RHBDD1: variants seen among roughly 807,000 people sequenced by gnomAD.
RHBDD1 encodes the protein rhomboid domain containing 1.
Under a neutral mutation model 36.3 loss-of-function variants are expected in RHBDD1, and 38 were observed. That is an observed-to-expected ratio of 1.05 (90% CI 0.81 to 1.37). The LOEUF (loss-of-function observed/expected upper bound fraction) is 1.37. RHBDD1 is among the 40% of genes most tolerant of loss of function. RHBDD1 has a pLI of 0.00. For missense variants in RHBDD1, 393 were observed against 377.6 expected, an observed-to-expected ratio of 1.04 and a Z score of -0.34; for synonymous variants, 151 against 136.5, an observed-to-expected ratio of 1.11 and a Z score of -0.74.
At chr2:226,865,232 G>T in intron 4 of RHBDD1, 106 bp downstream of exon 4, 1 of 863,956 alleles carries the variant, frequency 1.2e-6, no homozygotes, top group Non-Finnish European at 1.8e-6. Context: ...GAGTGGTTAA[G>T]GGCTGCTGAG....
At chr2:226,860,579 G>T (rs528145122) in intron 3 of RHBDD1, among the ~76,000 whole-genome samples, 64 of 152,272 alleles carry the variant, frequency 4.2e-4, no homozygotes, top group Non-Finnish European at 7.9e-4. Flanking sequence ...ATCTTTACAT[G>T]GATCAGTTGG....
intron 1 of RHBDD1, among the ~76,000 whole-genome samples, chr2:226,836,497 T>C (rs541696776): frequency 2.0e-5 from 3 of 152,348 alleles, no homozygotes; most frequent in African/African-American, 7.2e-5. Context: ...GCTTTCAGTT[T>C]CTCAGAACAA....
intron 4 of RHBDD1, among the ~76,000 whole-genome samples, chr2:226,865,356 G>T (rs1334812569): frequency 6.6e-6 from 1 of 152,184 alleles, no homozygotes; most frequent in Non-Finnish European, 1.5e-5. Context: ...AGGTGGTTTT[G>T]TAGAAGACAT....
At chr2:226,930,670 G>T (rs950133256) in intron 8 of RHBDD1, among the ~76,000 whole-genome samples, 1 of 151,816 alleles carries the variant, frequency 6.6e-6, no homozygotes, top group Non-Finnish European at 1.5e-5. Flanking sequence ...TTTCTGCATG[G>T]CAAAAGAAAT....
chr2:226,969,414 T>TTTTTA (rs3055673), intron 8 of RHBDD1, among the ~76,000 whole-genome samples: 9 of 150,762 alleles, frequency 6.0e-5, no homozygotes, highest in Middle Eastern at 6.9e-3. Flanking sequence ...TTTTTTTTTT[T>TTTTTA]AAGGAAGTAG....
intron 3 of RHBDD1, among the ~76,000 whole-genome samples, chr2:226,862,397 G>T (rs938480209): frequency 6.8e-6 from 1 of 147,618 alleles, no homozygotes. Context: ...GCATTGTCCA[G>T]TGTGCAGTCC....
intron 5 of RHBDD1, among the ~76,000 whole-genome samples, chr2:226,904,284 A>G (rs12615988): frequency 0.46 from 70,175 of 151,842 alleles, 16,688 homozygotes; most frequent in African/African-American, 0.58. Context: ...CGTTGCCGTG[A>G]GGCTGAAGCC....
the RHBDD1 span, among the ~76,000 whole-genome samples, chr2:226,823,465 C>G: frequency 6.6e-6 from 1 of 152,188 alleles, no homozygotes; most frequent in Non-Finnish European, 1.5e-5. Context: ...AGTCCCATGG[C>G]ACTTGAATAC....
the RHBDD1 span, among the ~76,000 whole-genome samples, chr2:226,820,055 T>C: frequency 6.6e-6 from 1 of 151,514 alleles, no homozygotes; most frequent in East Asian, 1.9e-4. Context: ...GTGGGTGCAT[T>C]CACAGTAATT....
chr2:226,927,905 TC>T (rs1157171735), intron 8 of RHBDD1, among the ~76,000 whole-genome samples: 1 of 152,066 alleles, frequency 6.6e-6, no homozygotes, highest in African/African-American at 2.4e-5. Flanking sequence ...TGTGGCTTTT[TC>T]CCCCATTCTC....
At position 226,957,588 on chromosome 2, in the gene RHBDD1, GA is replaced by G. The variant is rs1419772060; in HGVS notation, c.857-37834del. 8.0e-5 allele frequency among the ~76,000 whole-genome samples: 12 copies of G among 149,868 alleles called. No individual in the cohort carries two copies. The East Asian group carries it at 1.9e-3, about 24-fold the overall frequency. On this transcript the variant is annotated intron_variant, in intron 8 of 8. Coordinates refer to ENST00000392062, the MANE Select transcript of RHBDD1 (RefSeq NM_001167608.3). The stretch of plus-strand genomic sequence containing the variant: ...CCCCACCCAAAAAAAAAAGAAGAAG[GA>G]AAAAAAAAGTAGTGAAAAGATCATC...
chr2:226,971,765 T>A (rs766326474), intron 8 of RHBDD1, among the ~76,000 whole-genome samples: 4 of 152,206 alleles, frequency 2.6e-5, no homozygotes, highest in Admixed American at 6.5e-5. Context: ...AAGTTATCTG[T>A]CATGTAATTT....
At position 226,896,895 on chromosome 2, in the gene RHBDD1, G is replaced by A. The variant is rs182033906; in HGVS notation, c.567-9898G>A. On this transcript the variant is annotated intron_variant, in intron 5 of 8. Coordinates refer to ENST00000392062, the MANE Select transcript of RHBDD1 (RefSeq NM_001167608.3). ...TCGGCTCACTACAACCTCTGTCCCC[G>A]GGGTTCAAGTGATTCTCCTGCCTCA... 1.6e-3 allele frequency among the ~76,000 whole-genome samples: 245 copies of A among 152,018 alleles called. 1 individual carries two copies. Among genetic ancestry groups the A allele is most frequent in the Middle Eastern group, 6.8e-3 (2 of 294 alleles).
chr2:226,809,927 A>G, the RHBDD1 span, among the ~76,000 whole-genome samples: 12 of 152,342 alleles, frequency 7.9e-5, no homozygotes, highest in South Asian at 1.9e-3. Flanking sequence ...AAATACATCA[A>G]TACCCAACAA....
At chr2:226,965,080 A>G (rs1374265343) in intron 8 of RHBDD1, among the ~76,000 whole-genome samples, 1 of 152,228 alleles carries the variant, frequency 6.6e-6, no homozygotes, top group Non-Finnish European at 1.5e-5. Flanking sequence ...CATTTGAAAT[A>G]AGGCTCTTTG....
chr2:226,986,634 C>G (rs1957012696), intron 8 of RHBDD1, among the ~76,000 whole-genome samples: 1 of 152,118 alleles, frequency 6.6e-6, no homozygotes, highest in African/African-American at 2.4e-5. Context: ...CAATGAGATA[C>G]CATCTCATGC....
At chr2:226,985,767 AG>A (rs532224089) in intron 8 of RHBDD1, among the ~76,000 whole-genome samples, 179 of 152,336 alleles carry the variant, frequency 1.2e-3, no homozygotes, top group African/African-American at 4.2e-3. Flanking sequence ...ACCTGGAATG[AG>A]GGGTGCAGAA....
chr2:226,922,439 C>T (rs542500239), intron 8 of RHBDD1, among the ~76,000 whole-genome samples: 106 of 152,022 alleles, frequency 7.0e-4, no homozygotes, highest in Admixed American at 1.6e-3. Context: ...GATCTCCTGA[C>T]CTTGTGATCC....
upstream of RHBDD1, among the ~76,000 whole-genome samples, chr2:226,832,877 G>A (rs6755104): frequency 0.015 from 2,334 of 152,258 alleles, 55 homozygotes; most frequent in African/African-American, 0.053. Context: ...CAGGCATGGT[G>A]GCGGGCACCT....
Sources: gnomAD v4.1 joint callset for allele counts (sites outside exome capture counted in the v4.1 genomes callset) on GRCh38, gnomAD v4.1.1 for gene constraint, MANE v1.5 for transcripts, NCBI Gene and HGNC (gene_info 2026-07-23, HGNC 2026-07-21) for gene names.